The following ALG5 variants were observed in gnomAD, a reference collection of about 807,000 sequenced individuals.
ALG5 encodes the protein dolichyl-phosphate beta-glucosyltransferase.
A neutral mutation model predicts 51.8 loss-of-function variants in ALG5; 26 were observed. The observed-to-expected ratio is 0.50, with a 90% CI of 0.37 to 0.70. The LOEUF (loss-of-function observed/expected upper bound fraction) is 0.70, where lower values mean the gene tolerates loss of function less well. ALG5 is among the 30% of genes least tolerant of loss of function. ALG5 has a pLI of 0.00. For missense variants in ALG5, 311 were observed against 399.3 expected (o/e 0.78, Z 1.88); for synonymous variants, 141 against 136.1 (o/e 1.04, Z -0.25).
chr13:36,973,186 A>T (rs529469497), intron 6 of ALG5, among the ~76,000 whole-genome samples: 1 of 152,146 alleles, frequency 6.6e-6, no homozygotes, highest in African/African-American at 2.4e-5. Flanking sequence ...AAAGCCAGGA[A>T]AATTCAAGAG....
Position 36,952,511 on chromosome 13 carries a change from C to T in ALG5, c.859+3G>A. On this transcript the variant is annotated splice_donor_region_variant and intron_variant, in intron 9 of 9. Transcript: ENST00000239891. ...ACAATCATACAATAAACAATATACTCACCTTCAATTTCTGTCCAGTTGACA... is the reference window on the plus strand; with the variant it reads ...ACAATCATACAATAAACAATATACTTACCTTCAATTTCTGTCCAGTTGACA... 1 of 1,589,884 alleles carries T rather than the reference C, an allele frequency of 6.3e-7. No individual in the cohort carries two copies. The highest frequency in any genetic ancestry group is 8.6e-7 in the Non-Finnish European group (1 of 1,167,058).
intron 5 of ALG5, among the ~76,000 whole-genome samples, chr13:36,987,284 T>A (rs189272072): frequency 6.6e-5 from 10 of 152,310 alleles, no homozygotes; most frequent in Admixed American, 4.6e-4. Flanking sequence ...AATGGCATCG[T>A]CATCCTCCCT....
At chr13:36,998,492 A>T (rs1441136235) in intron 1 of ALG5, among the ~76,000 whole-genome samples, 2 of 152,180 alleles carry the variant, frequency 1.3e-5, no homozygotes, top group East Asian at 3.9e-4. Flanking sequence ...GGCTCATTCC[A>T]AGGTGTGCGG....
intron 6 of ALG5, among the ~76,000 whole-genome samples, chr13:36,978,202 T>TC (rs1425297367): frequency 6.6e-6 from 1 of 150,730 alleles, no homozygotes; most frequent in Non-Finnish European, 1.5e-5. Context: ...TTTTTTTTTT[T>TC]TTTGAGACGG....
At chr13:36,998,378 A>T (rs957464542) in intron 1 of ALG5, among the ~76,000 whole-genome samples, 5 of 152,136 alleles carry the variant, frequency 3.3e-5, no homozygotes, top group Admixed American at 6.5e-5. Context: ...AATTTATACA[A>T]CCTCTGGAAA....
chr13:36,998,670 C>G (rs1470944737), intron 1 of ALG5: 1 of 152,364 alleles, frequency 6.6e-6, no homozygotes, highest in East Asian at 1.9e-4. Context: ...CGACCCCGGA[C>G]AAGGCGCCTG....
At position 36,971,592 on chromosome 13, in the gene ALG5, T is replaced by A. The variant is rs916179476; in HGVS notation, c.621+385A>T. Among the ~76,000 whole-genome samples, 3 of 124,024 alleles carry A rather than the reference T, an allele frequency of 2.4e-5. No individual in the cohort carries two copies. In the Admixed American group the frequency reaches 3.3e-4, roughly 14 times the overall value. 81.4% of individuals were successfully genotyped at this position (124,024 alleles called of 152,430 possible). On this transcript the variant is annotated intron_variant, in intron 7 of 9. Coordinates refer to ENST00000239891, the MANE Select transcript of ALG5 (RefSeq NM_013338.5). ...AACCCAGGAAGTGGAGGTTGCCCAG[T>A]GAGCCAAGATCGCACCACTGCACTC... is the stretch of plus-strand genomic sequence containing the variant.
chr13:36,985,530 T>C, intron 6 of ALG5, 97 bp downstream of exon 6: 1 of 882,092 alleles, frequency 1.1e-6, no homozygotes, highest in Non-Finnish European at 1.7e-6. Flanking sequence ...CCAAAAACAC[T>C]CAGTTTTTAA....
intron 7 of ALG5, among the ~76,000 whole-genome samples, chr13:36,969,871 TATC>T (rs1486175956): frequency 6.6e-6 from 1 of 152,076 alleles, no homozygotes; most frequent in Non-Finnish European, 1.5e-5. Flanking sequence ...GTATTTATAA[TATC>T]ATACTATTTT....
Position 36,973,926 on chromosome 13 carries a change from A to C in ALG5, c.562-1890T>G, listed in dbSNP as rs541305343. On this transcript the variant is annotated intron_variant, in intron 6 of 9. Coordinates refer to ENST00000239891, the MANE Select transcript of ALG5 (RefSeq NM_013338.5). ...CACTCTCTAGCAACAGCAATTTGAA[A>C]CGTTATCAAAATTACAAATATACAT... Among the ~76,000 whole-genome samples, 3 of 152,350 alleles carry C rather than the reference A, an allele frequency of 2.0e-5. No individual in the cohort carries two copies. In the East Asian group the frequency reaches 5.8e-4, roughly 29 times the overall value.
At chr13:36,977,913 A>C (rs970746597) in intron 6 of ALG5, among the ~76,000 whole-genome samples, 6 of 147,412 alleles carry the variant, frequency 4.1e-5, no homozygotes, top group African/African-American at 1.5e-4. Context: ...TTTTAATGGA[A>C]TCTCACTCTG....
intron 6 of ALG5, among the ~76,000 whole-genome samples, chr13:36,979,285 C>A (rs2058968181): frequency 6.6e-6 from 1 of 152,136 alleles, no homozygotes; most frequent in Admixed American, 6.6e-5. Flanking sequence ...CAGGGATGAG[C>A]CACTGTGCCC....
At chr13:36,985,254 T>C (rs1448386043) in intron 6 of ALG5, among the ~76,000 whole-genome samples, 2 of 152,128 alleles carry the variant, frequency 1.3e-5, no homozygotes, top group Non-Finnish European at 2.9e-5. Flanking sequence ...TGTGATTTTG[T>C]TTGTTTCATC....
intron 8 of ALG5, among the ~76,000 whole-genome samples, chr13:36,953,312 C>A (rs947759734): frequency 1.3e-5 from 2 of 152,182 alleles, no homozygotes; most frequent in African/African-American, 4.8e-5. Flanking sequence ...CTTCCACTTA[C>A]GAAAGGTCTT....
rs2059042533 is a variant in ALG5 at position 36,995,001 on chromosome 13, T to C, written c.273A>G (p.Leu91=). The change falls in exon 3 of 10, where the codon CTA becomes CTG. Residue 91 remains leucine, a synonymous_variant. Transcript: ENST00000239891. ...PVMMDEALSY[L]EKRQKRDPAF... The stretch of plus-strand genomic sequence containing the variant: ...GAAAACATGATACCTGTCTCTTCTC[T>C]AGATAGCTCAGAGCTTCATCCATCA... 6.2e-7 allele frequency: 1 copy of C among 1,613,060 alleles called. No individual in the cohort carries two copies. The highest frequency in any genetic ancestry group is 1.1e-5 in the South Asian group (1 of 90,964).
At chr13:36,979,652 C>A (rs551722336) in intron 6 of ALG5, among the ~76,000 whole-genome samples, 1 of 152,162 alleles carries the variant, frequency 6.6e-6, no homozygotes, top group African/African-American at 2.4e-5. Context: ...TCCTATGGTT[C>A]TTCTTAATGT....
chr13:36,995,908 A>T (rs1194729224), intron 1 of ALG5, among the ~76,000 whole-genome samples: 3 of 152,206 alleles, frequency 2.0e-5, no homozygotes, highest in Non-Finnish European at 4.4e-5. Flanking sequence ...CAGGAAGACC[A>T]GTCTACTCTC....
intron 8 of ALG5, among the ~76,000 whole-genome samples, chr13:36,959,275 G>A (rs1224328705): frequency 6.6e-6 from 1 of 151,512 alleles, no homozygotes; most frequent in African/African-American, 2.4e-5. Context: ...GTTTTTTTTT[G>A]GAGATCTATT....
intron 5 of ALG5, among the ~76,000 whole-genome samples, chr13:36,986,072 G>A (rs529964889): frequency 1.3e-5 from 2 of 152,144 alleles, no homozygotes; most frequent in Non-Finnish European, 2.9e-5. Context: ...CATATTATAT[G>A]TTTATCGTGT....
Sources: allele counts gnomAD v4.1 joint callset (sites outside exome capture counted in the v4.1 genomes callset), GRCh38; gene constraint gnomAD v4.1.1; transcripts MANE v1.5; gene names NCBI Gene and HGNC (gene_info 2026-07-23, HGNC 2026-07-21).